PPP2R5A: variants seen among roughly 807,000 people sequenced by gnomAD.
PPP2R5A encodes serine/threonine-protein phosphatase 2A 56 kDa regulatory subunit alpha isoform.
Under a neutral mutation model 64.2 loss-of-function variants are expected in PPP2R5A, and 25 were observed. That is an observed-to-expected ratio of 0.39 (90% CI 0.28 to 0.54). The LOEUF is 0.54. PPP2R5A is among the 20% of genes least tolerant of loss of function. The probability of loss-of-function intolerance (pLI) is 0.67; values close to 1 mark genes in which losing one functional copy is unlikely to be tolerated. For missense variants in PPP2R5A, 425 were observed against 576.3 expected, an observed-to-expected ratio of 0.74 and a Z score of 2.69; for synonymous variants, 198 against 201.2, an observed-to-expected ratio of 0.98 and a Z score of 0.13.
Position 212,350,173 on chromosome 1 carries a change from CT to C in PPP2R5A, c.927+933del, listed in dbSNP as rs556915208. On this transcript the variant is annotated intron_variant, in intron 8 of 12. Coordinates refer to ENST00000261461, the MANE Select transcript of PPP2R5A (RefSeq NM_006243.4). The stretch of plus-strand genomic sequence containing the variant: ...TAGGGATGCTTGAAAAAATCATATA[CT>C]TAGTATTCTCCCTTTCACTTGAACT... Among the ~76,000 whole-genome samples the C allele has an allele frequency of 2.0e-4, 30 of 152,254 alleles. 2 individuals are homozygous for C. The South Asian group carries it at 6.0e-3, about 30-fold the overall frequency.
intron 1 of PPP2R5A, among the ~76,000 whole-genome samples, chr1:212,326,332 A>C (rs1300120207): frequency 6.6e-6 from 1 of 151,858 alleles, no homozygotes; most frequent in Non-Finnish European, 1.5e-5. Flanking sequence ...GGTGGCTCAC[A>C]CCTGTAATCC....
At chr1:212,296,123 T>C (rs144204658) in intron 1 of PPP2R5A, among the ~76,000 whole-genome samples, 9 of 151,892 alleles carry the variant, frequency 5.9e-5, no homozygotes, top group African/African-American at 2.2e-4. Context: ...TGGGAGGAGA[T>C]GGAAAGGCAG....
chr1:212,322,501 C>T (rs1659326349), intron 1 of PPP2R5A, among the ~76,000 whole-genome samples: 2 of 152,046 alleles, frequency 1.3e-5, no homozygotes. Context: ...ACCATGATTA[C>T]CATCTTTTGT....
At chr1:212,292,554 CT>C (rs1339661816) in intron 1 of PPP2R5A, among the ~76,000 whole-genome samples, 2 of 151,972 alleles carry the variant, frequency 1.3e-5, no homozygotes, top group African/African-American at 4.8e-5. Flanking sequence ...GATGTTGATT[CT>C]TTTCTGTTTT....
chr1:212,315,833 C>T (rs192025007), intron 1 of PPP2R5A, among the ~76,000 whole-genome samples: 33 of 152,238 alleles, frequency 2.2e-4, no homozygotes, highest in Admixed American at 1.3e-3. Flanking sequence ...TTTCCAATAG[C>T]ATGTGCTCGC....
At chr1:212,354,196 A>G (rs1433300164) in intron 8 of PPP2R5A, among the ~76,000 whole-genome samples, 4 of 152,042 alleles carry the variant, frequency 2.6e-5, no homozygotes, top group Non-Finnish European at 4.4e-5. Context: ...AAATAAATAA[A>G]TAAATAAAAA....
intron 12 of PPP2R5A, among the ~76,000 whole-genome samples, chr1:212,359,283 C>T (rs1352969257): frequency 6.6e-6 from 1 of 152,132 alleles, no homozygotes; most frequent in African/African-American, 2.4e-5. Context: ...GTAGGTAATT[C>T]TTACGCTGTG....
intron 2 of PPP2R5A, among the ~76,000 whole-genome samples, chr1:212,332,708 A>T (rs1338986190): frequency 2.6e-5 from 4 of 152,094 alleles, no homozygotes; most frequent in Non-Finnish European, 5.9e-5. Flanking sequence ...TATGTATAAG[A>T]ATGGAGAGAT....
chr1:212,303,113 G>A (rs1658829078), intron 1 of PPP2R5A, among the ~76,000 whole-genome samples: 1 of 152,084 alleles, frequency 6.6e-6, no homozygotes, highest in Non-Finnish European at 1.5e-5. Context: ...ATGTAGGAGT[G>A]GAACTGCTCG....
chr1:212,349,941 GA>G (rs1659846580), intron 8 of PPP2R5A, among the ~76,000 whole-genome samples: 1 of 152,200 alleles, frequency 6.6e-6, no homozygotes, highest in Non-Finnish European at 1.5e-5. Context: ...TATTTTGAGA[GA>G]ATGCTTTCTA....
At chr1:212,329,002 T>C (rs1223747940) in intron 1 of PPP2R5A, 133 bp from the exon 2 acceptor site, 4 of 577,840 alleles carry the variant, frequency 6.9e-6, no homozygotes, top group Non-Finnish European at 1.1e-5. Context: ...GATGGGGTTA[T>C]AGATGGGCAC....
chr1:212,333,062 T>C (rs1312912023), intron 2 of PPP2R5A, among the ~76,000 whole-genome samples: 1 of 151,858 alleles, frequency 6.6e-6, no homozygotes, highest in Admixed American at 6.6e-5. Context: ...CCACCATGCC[T>C]AGCTAATTTT....
At chr1:212,339,529 T>C (rs1410133548) in intron 3 of PPP2R5A, among the ~76,000 whole-genome samples, 1 of 152,184 alleles carries the variant, frequency 6.6e-6, no homozygotes, top group African/African-American at 2.4e-5. Flanking sequence ...TGGTGCTAAG[T>C]TGGCGGCATA....
At chr1:212,296,891 C>G (rs373362426) in intron 1 of PPP2R5A, among the ~76,000 whole-genome samples, 1 of 152,040 alleles carries the variant, frequency 6.6e-6, no homozygotes, top group Non-Finnish European at 1.5e-5. Flanking sequence ...AAACCAAAAC[C>G]TAGGTAGGTT....
chr1:212,300,341 C>T (rs1463520395), intron 1 of PPP2R5A, among the ~76,000 whole-genome samples: 1 of 152,152 alleles, frequency 6.6e-6, no homozygotes, highest in Non-Finnish European at 1.5e-5. Flanking sequence ...TAATACAATA[C>T]TTGCTGTGAG....
At chr1:212,347,556 T>G in intron 6 of PPP2R5A, 150 bp downstream of exon 6, 1 of 565,094 alleles carries the variant, frequency 1.8e-6, no homozygotes, top group Non-Finnish European at 3.0e-6. Context: ...TTTTTTTTTT[T>G]GAGACGGAGT....
At chr1:212,349,357 C>A in intron 8 of PPP2R5A, 115 bp downstream of exon 8, 3 of 695,536 alleles carry the variant, frequency 4.3e-6, no homozygotes, top group Non-Finnish European at 4.3e-6. Context: ...AAGCTAAAAT[C>A]ATTTAGAAGA....
At chr1:212,299,473 CTT>C (rs2102413794) in intron 1 of PPP2R5A, 1 of 152,256 alleles carries the variant, frequency 6.6e-6, no homozygotes, top group East Asian at 1.9e-4. Flanking sequence ...TTTTTGAAAA[CTT>C]TTTAAAATAC....
intron 11 of PPP2R5A, 61 bp downstream of exon 11, chr1:212,357,345 T>C (rs1659995892): frequency 3.6e-6 from 5 of 1,375,446 alleles, no homozygotes; most frequent in South Asian, 1.5e-5. Context: ...CTTTTTGTTA[T>C]TGATTTCCTA....
Sources: gnomAD v4.1 joint callset for allele counts (sites outside exome capture counted in the v4.1 genomes callset) on GRCh38, gnomAD v4.1.1 for gene constraint, MANE v1.5 for transcripts, NCBI Gene and HGNC (gene_info 2026-07-23, HGNC 2026-07-21) for gene names.